The following TAOK3 variants were observed in gnomAD, a reference collection of about 807,000 sequenced individuals.
The protein encoded by TAOK3 is TAO kinase 3.
In TAOK3, 40 loss-of-function variants were observed where a neutral mutation model predicts 120.4. The ratio of observed to expected loss-of-function variants is 0.33; its 90% CI spans 0.26 to 0.43. The LOEUF (loss-of-function observed/expected upper bound fraction) is 0.43. Among genes scored for constraint, TAOK3 ranks in the 20% least tolerant of loss-of-function variants. The probability of loss-of-function intolerance (pLI) is 1.00; values close to 1 mark genes in which losing one functional copy is unlikely to be tolerated. For synonymous variants in TAOK3, 355 were observed against 387.5 expected (o/e 0.92, Z 0.99); for missense variants, 821 against 1,112.1 (o/e 0.74, Z 3.72).
intron 1 of TAOK3, among the ~76,000 whole-genome samples, chr12:118,273,615 G>T (rs1409840946): frequency 6.6e-6 from 1 of 152,304 alleles, no homozygotes; most frequent in East Asian, 1.9e-4. Context: ...AGCAGTTCAA[G>T]ACCAGGCTGG....
intron 1 of TAOK3, among the ~76,000 whole-genome samples, chr12:118,291,808 T>G (rs764262174): frequency 6.6e-6 from 1 of 152,102 alleles, no homozygotes; most frequent in African/African-American, 2.4e-5. Context: ...ATACTACATA[T>G]GAAATGAAAA....
intron 11 of TAOK3, among the ~76,000 whole-genome samples, chr12:118,203,761 T>C (rs1449507070): frequency 6.6e-6 from 1 of 151,476 alleles, no homozygotes; most frequent in East Asian, 1.9e-4. Context: ...AAGGTAGGGT[T>C]ACCACCTGTT....
intron 1 of TAOK3, among the ~76,000 whole-genome samples, chr12:118,330,239 A>G (rs1315439017): frequency 6.6e-6 from 1 of 152,242 alleles, no homozygotes; most frequent in Non-Finnish European, 1.5e-5. Flanking sequence ...ATTACATTCA[A>G]GTCTATAAAT....
intron 9 of TAOK3, among the ~76,000 whole-genome samples, chr12:118,230,301 T>C (rs191701278): frequency 6.6e-6 from 1 of 152,156 alleles, no homozygotes. Flanking sequence ...TTTCCTAGTC[T>C]GTTCTACTGG....
At chr12:118,323,189 A>C (rs1566117559) in intron 1 of TAOK3, among the ~76,000 whole-genome samples, 1 of 152,204 alleles carries the variant, frequency 6.6e-6, no homozygotes, top group African/African-American at 2.4e-5. Context: ...ATTGTGTAGT[A>C]AAACAAATTG....
intron 11 of TAOK3, among the ~76,000 whole-genome samples, chr12:118,208,854 G>A (rs904387154): frequency 9.2e-5 from 14 of 151,950 alleles, no homozygotes; most frequent in African/African-American, 2.9e-4. Context: ...TGGGATTATC[G>A]ACGCATGCCA....
intron 5 of TAOK3, among the ~76,000 whole-genome samples, chr12:118,242,998 C>A (rs1471243236): frequency 6.6e-6 from 1 of 151,716 alleles, no homozygotes; most frequent in African/African-American, 2.4e-5. Flanking sequence ...TTATTTTAAT[C>A]ATATGGTGGC....
chr12:118,241,766 T>A (rs976865092), intron 5 of TAOK3, among the ~76,000 whole-genome samples: 2 of 152,170 alleles, frequency 1.3e-5, no homozygotes, highest in African/African-American at 4.8e-5. Flanking sequence ...ATCAAACCAG[T>A]TGTAGACAGA....
chr12:118,297,452 T>C (rs1271691071), intron 1 of TAOK3, among the ~76,000 whole-genome samples: 1 of 152,240 alleles, frequency 6.6e-6, no homozygotes, highest in Non-Finnish European at 1.5e-5. Flanking sequence ...CAGGGCTGGT[T>C]CCTTTACTTG....
intron 13 of TAOK3, among the ~76,000 whole-genome samples, chr12:118,195,114 C>T (rs1399036145): frequency 1.3e-5 from 2 of 151,470 alleles, no homozygotes; most frequent in African/African-American, 4.9e-5. Context: ...GAAGTGTTGT[C>T]CCATTAAAAA....
intron 1 of TAOK3, among the ~76,000 whole-genome samples, chr12:118,357,623 C>A (rs1018885309): frequency 1.3e-5 from 2 of 152,168 alleles, no homozygotes; most frequent in Non-Finnish European, 1.5e-5. Context: ...TTCCCTTCAA[C>A]GAGTGTCATT....
chr12:118,174,236 C>A (rs905203367), intron 16 of TAOK3, among the ~76,000 whole-genome samples: 2 of 152,114 alleles, frequency 1.3e-5, no homozygotes, highest in Non-Finnish European at 2.9e-5. Flanking sequence ...TTTGTCATTC[C>A]AAGGACAATA....
intron 1 of TAOK3, among the ~76,000 whole-genome samples, chr12:118,297,503 C>T (rs922001483): frequency 3.9e-5 from 6 of 152,158 alleles, no homozygotes; most frequent in East Asian, 1.9e-4. Context: ...AGAGGCCTTC[C>T]GGGATTACCC....
chr12:118,348,716 A>C (rs980407880), intron 1 of TAOK3, among the ~76,000 whole-genome samples: 4 of 151,676 alleles, frequency 2.6e-5, no homozygotes, highest in Non-Finnish European at 4.4e-5. Context: ...TCCCAAAGTG[A>C]TGGGATTACA....
intron 9 of TAOK3, among the ~76,000 whole-genome samples, chr12:118,229,302 G>A (rs1326843918): frequency 1.3e-5 from 2 of 152,010 alleles, no homozygotes; most frequent in South Asian, 2.1e-4. Flanking sequence ...GTTTCACCAC[G>A]TTGGCCAGGC....
chr12:118,290,457 T>C (rs1382093817), intron 1 of TAOK3, among the ~76,000 whole-genome samples: 1 of 152,242 alleles, frequency 6.6e-6, no homozygotes, highest in Non-Finnish European at 1.5e-5. Context: ...TTTTTTCCTT[T>C]ATGCTCCTGT....
chr12:118,252,927 C>T (rs752077540), intron 3 of TAOK3, among the ~76,000 whole-genome samples: 51 of 152,050 alleles, frequency 3.4e-4, no homozygotes, highest in Non-Finnish European at 5.7e-4. Context: ...GGGGTTTCTC[C>T]GTGTTAGCCA....
chr12:118,272,305 A>AAAG (rs1555237580), intron 1 of TAOK3, among the ~76,000 whole-genome samples: 3 of 148,654 alleles, frequency 2.0e-5, no homozygotes, highest in Admixed American at 1.4e-4. Context: ...AAAAAAAAAA[A>AAAG]AAAGAAAGAA....
intron 1 of TAOK3, among the ~76,000 whole-genome samples, chr12:118,326,168 A>G (rs1485258968): frequency 1.3e-5 from 2 of 152,186 alleles, no homozygotes; most frequent in Non-Finnish European, 1.5e-5. Context: ...TCTTTAATCC[A>G]TCTTGATTTT....
Sources: gnomAD v4.1 joint callset for allele counts (sites outside exome capture counted in the v4.1 genomes callset) on GRCh38, gnomAD v4.1.1 for gene constraint, MANE v1.5 for transcripts, NCBI Gene and HGNC (gene_info 2026-07-23, HGNC 2026-07-21) for gene names.